YBX2: variants seen among roughly 807,000 people sequenced by gnomAD.
YBX2 encodes Y-box binding protein 2.
A neutral mutation model predicts 44.4 loss-of-function variants in YBX2; 5 were observed. That is an observed-to-expected ratio of 0.11 (90% CI 0.06 to 0.24). The LOEUF is 0.24. Ranked by LOEUF, YBX2 falls within the 10% of genes least tolerant of loss-of-function variation. The pLI is 1.00. For synonymous variants in YBX2, 188 were observed against 216.1 expected (o/e 0.87, Z 1.14); for missense variants, 417 against 526.9 (o/e 0.79, Z 2.04).
At chr17:7,293,833 C>T (rs2072518821) in intron 1 of YBX2, 7 of 565,748 alleles carry the variant, frequency 1.2e-5, no homozygotes, top group Middle Eastern at 4.9e-4. Flanking sequence ...CTCACCTGGT[C>T]TGCAAAGTGC....
Position 7,289,905 on chromosome 17 carries a change from G to A in YBX2, c.848+63C>T, listed in dbSNP as rs868050912. 1.2e-4 allele frequency: 196 copies of A among 1,603,902 alleles called. No individual in the cohort carries two copies. In the Middle Eastern group the frequency reaches 1.5e-3, roughly 13 times the overall value. On this transcript the variant is annotated intron_variant, in intron 6 of 8. Coordinates refer to ENST00000007699, the MANE Select transcript of YBX2 (RefSeq NM_015982.4). Reference sequence around the variant, plus strand: ...TAGAGCTTCACCCTTCCATCCTCCTGTCCCTTGCCCCAAGGATCCAACACT... The same window carrying A: ...TAGAGCTTCACCCTTCCATCCTCCTATCCCTTGCCCCAAGGATCCAACACT...
chr17:7,289,093 C>T (rs976357649), intron 7 of YBX2, among the ~76,000 whole-genome samples: 2 of 152,080 alleles, frequency 1.3e-5, no homozygotes, highest in Non-Finnish European at 2.9e-5. Context: ...AACTCCTGAC[C>T]CCAACTGATC....
chr17:7,294,391 G>A lies in YBX2; in HGVS notation c.110C>T (p.Pro37Leu). Residue 37 changes from proline (P) to leucine (L), a missense_variant, in exon 1 of 9, where the codon CCG (proline) becomes CTG (leucine). By Grantham distance (98) the Pro-to-Leu change is moderately conservative (BLOSUM62 -3). This residue lies in a region of YBX2 where 121 missense variants were observed against 141.3 expected (regional missense o/e 0.86). Transcript: ENST00000007699. The surrounding 1 kb of genome is among the most constrained non-coding windows in gnomAD (Gnocchi z 4.6). ...GCCGCCCGCCCCGCCGCCTTTCTGC[G>A]GCTCCCCTGCGGGCACCGGTACCAC... ...AVVVPVPAGE[P>L]QKGGGAGGGG... The A allele has an allele frequency of 7.0e-7, 1 of 1,429,772 alleles. No individual in the cohort carries two copies. Among genetic ancestry groups the A allele is most frequent in the Non-Finnish European group, 9.2e-7 (1 of 1,091,892 alleles). 88.6% of individuals were successfully genotyped at this position (1,429,772 alleles called of 1,614,324 possible).
chr17:7,289,785 C>T, intron 6 of YBX2, 60 bp from the exon 7 acceptor site: 2 of 1,604,714 alleles, frequency 1.2e-6, no homozygotes, highest in South Asian at 1.1e-5. Flanking sequence ...AGGGCTCACC[C>T]AGCTGCCCCA....
chr17:7,292,567 A>G (rs78680392), intron 2 of YBX2: 7,505 of 175,768 alleles, frequency 0.043, 601 homozygotes, highest in African/African-American at 0.16. Flanking sequence ...AACAGCTGCC[A>G]AACTTTATTC....
intron 4 of YBX2, 124 bp from the exon 5 acceptor site, chr17:7,290,659 T>C: frequency 1.7e-6 from 2 of 1,177,638 alleles, no homozygotes; most frequent in Non-Finnish European, 2.4e-6. Flanking sequence ...TCTAACTTCT[T>C]TCTACCCTCC....
At chr17:7,289,082 GA>G (rs555547978) in intron 7 of YBX2, among the ~76,000 whole-genome samples, 40 of 152,194 alleles carry the variant, frequency 2.6e-4, no homozygotes, top group African/African-American at 9.2e-4. Context: ...GGCTGGTCTT[GA>G]ACTCCTGACC....
chr17:7,293,437 G>T lies in YBX2; in HGVS notation c.335+38C>A, dbSNP rs1257567399. On this transcript the variant is annotated intron_variant, in intron 2 of 8. Coordinates refer to ENST00000007699, the MANE Select transcript of YBX2 (RefSeq NM_015982.4). ...TCCAGTCCCACAGGCCAGCTGGGAA[G>T]ACACCCATTCCACCCCCGCCCTGGG... 3.7e-6 allele frequency: 6 copies of T among 1,613,730 alleles called. No individual in the cohort carries two copies. In the South Asian group the frequency reaches 5.5e-5, roughly 15 times the overall value.
Position 7,294,424 on chromosome 17 carries a change from A to G in YBX2, c.77T>C (p.Val26Ala), listed in dbSNP as rs1199447050. 1.4e-6 allele frequency: 2 copies of G among 1,465,816 alleles called. No homozygotes were observed. The highest frequency in any genetic ancestry group is 1.8e-6 in the Non-Finnish European group (2 of 1,112,088). The allele number at this position is 1,465,816 out of a possible 1,614,324, so 90.8% of individuals were successfully genotyped here. A position where few individuals can be genotyped will look rare whatever the true frequency, so the allele number is the denominator to read the frequency against. The part of the protein sequence containing the change: ...ATVPATAAGV[V>A]AVVVPVPAGE... Reference sequence around the variant, plus strand: ...TGCGGGCACCGGTACCACCACCGCTACCACCCCTGCCGCCGTCGCGGGCAC... The same window carrying G: ...TGCGGGCACCGGTACCACCACCGCTGCCACCCCTGCCGCCGTCGCGGGCAC... The change falls in exon 1 of 9, where the codon GTA (valine) becomes GCA (alanine). Residue 26 changes from valine (V) to alanine (A), a missense_variant. This residue lies in a region of YBX2 where 121 missense variants were observed against 141.3 expected (regional missense o/e 0.86). Coordinates refer to ENST00000007699, the MANE Select transcript of YBX2 (RefSeq NM_015982.4). The surrounding 1 kb of genome is among the most constrained non-coding windows in gnomAD (Gnocchi z 4.6).
Position 7,294,331 on chromosome 17 carries a change from G to C in YBX2, c.170C>G (p.Thr57Ser). 6 of 1,307,508 alleles carry C rather than the reference G, an allele frequency of 4.6e-6. No homozygotes were observed. The highest frequency in any genetic ancestry group is 4.8e-6 in the Non-Finnish European group (5 of 1,035,044). 81.0% of individuals were successfully genotyped at this position (1,307,508 alleles called of 1,614,324 possible). ...GGTGCGGGAGCCCGGCGCCGAGGGG[G>C]TCCCAGCAGCGGGGCCCGAGGCGGC... is the stretch of plus-strand genomic sequence containing the variant. ...GGAASGPAAG[T>S]PSAPGSRTPG... The change falls in exon 1 of 9, where the codon ACC becomes AGC. Residue 57 changes from threonine to serine, a missense_variant. This residue lies in a region of YBX2 where 121 missense variants were observed against 141.3 expected (regional missense o/e 0.86). Coordinates refer to ENST00000007699, the MANE Select transcript of YBX2 (RefSeq NM_015982.4). This position sits in a 1 kb window ranked among gnomAD's most constrained non-coding sequence, Gnocchi z 4.6.
chr17:7,290,163 C>A, intron 5 of YBX2, 88 bp downstream of exon 5: 1 of 1,611,696 alleles, frequency 6.2e-7, no homozygotes, highest in Non-Finnish European at 8.5e-7. Flanking sequence ...TCAGTTCCTC[C>A]TTCTTTGGGG....
At chr17:7,293,818 G>A (rs192632905) in intron 1 of YBX2, 1 of 599,566 alleles carries the variant, frequency 1.7e-6, no homozygotes, top group African/African-American at 1.9e-5. Context: ...ACCTAGAACT[G>A]GGTACTCACC....
At chr17:7,289,453 G>A in intron 7 of YBX2, 77 bp downstream of exon 7, 1 of 1,544,768 alleles carries the variant, frequency 6.5e-7, no homozygotes, top group Non-Finnish European at 8.7e-7. Context: ...AAAGGATAGA[G>A]TAGGAAAGAA....
At position 7,291,283 on chromosome 17, in the gene YBX2, C is replaced by T. The variant is rs948371299; in HGVS notation, c.370-101G>A. 2.5e-6 allele frequency: 3 copies of T among 1,214,556 alleles called. No individual in the cohort carries two copies. Among genetic ancestry groups the T allele is most frequent in the Admixed American group, 3.8e-5 (2 of 52,596 alleles). 75.2% of individuals were successfully genotyped at this position (1,214,556 alleles called of 1,614,324 possible). A position where few individuals can be genotyped will look rare whatever the true frequency, so the allele number is the denominator to read the frequency against. The stretch of plus-strand genomic sequence containing the variant: ...CCAATTTCATTCTTTCAACATTTGA[C>T]TTGGGGTCTAGAGCTGGAGGGTGGA... On this transcript the variant is annotated intron_variant, in intron 3 of 8. Transcript: ENST00000007699. The surrounding 1 kb of genome is among the most constrained non-coding windows in gnomAD (Gnocchi z 5.8).
In YBX2 at chr17:7,291,834, A is replaced by G. The variant is rs2072503587; in HGVS notation, c.369+192T>C. On this transcript the variant is annotated intron_variant, in intron 3 of 8. Coordinates refer to ENST00000007699, the MANE Select transcript of YBX2 (RefSeq NM_015982.4). The surrounding 1 kb of genome is among the most constrained non-coding windows in gnomAD (Gnocchi z 5.8). ...TAAGCGTGCCATGCCCAGGGGTAAC[A>G]TGCTCAATTCTGACGGACGTTTAGT... The G allele has an allele frequency of 2.9e-6, 2 of 684,858 alleles. No individual in the cohort carries two copies. Among genetic ancestry groups the G allele is most frequent in the Non-Finnish European group, 5.1e-6 (2 of 391,756 alleles). 42.4% of individuals were successfully genotyped at this position (684,858 alleles called of 1,614,324 possible).
chr17:7,290,656 T>A, intron 4 of YBX2, 121 bp from the exon 5 acceptor site: 1 of 1,190,748 alleles, frequency 8.4e-7, no homozygotes, highest in Non-Finnish European at 1.2e-6. Context: ...TCCTCTAACT[T>A]CTTTCTACCC....
Position 7,294,185 on chromosome 17 carries a change from G to C in YBX2, c.271+45C>G. 1.6e-6 allele frequency: 2 copies of C among 1,231,060 alleles called. No individual in the cohort carries two copies. Among genetic ancestry groups the C allele is most frequent in the Non-Finnish European group, 1.0e-6 (1 of 988,688 alleles). 76.3% of individuals were successfully genotyped at this position (1,231,060 alleles called of 1,614,324 possible). ...CGGGCTCCACACTGCCCCTCCCCCA[G>C]CCCGCCGACCCCTCAGAGCCGCCCT... On this transcript the variant is annotated intron_variant, in intron 1 of 8. Transcript: ENST00000007699. The surrounding 1 kb of genome is among the most constrained non-coding windows in gnomAD (Gnocchi z 4.6).
rs545837029 is a variant in YBX2 at position 7,291,396 on chromosome 17, A to T, written c.370-214T>A. 1.7e-5 allele frequency: 10 copies of T among 602,138 alleles called. No individual in the cohort carries two copies. The highest frequency in any genetic ancestry group is 3.0e-5 in the Non-Finnish European group (10 of 333,562). 37.3% of individuals were successfully genotyped at this position (602,138 alleles called of 1,614,324 possible). On this transcript the variant is annotated intron_variant, in intron 3 of 8. Coordinates refer to ENST00000007699, the MANE Select transcript of YBX2 (RefSeq NM_015982.4). This position sits in a 1 kb window ranked among gnomAD's most constrained non-coding sequence, Gnocchi z 5.8. ...GCAGTTACCACCATCCCCAGGATGC[A>T]CTCCCCGCACCTCCCCTCCCGCCCC...
In YBX2 at chr17:7,290,362, C is replaced by T. The variant is rs2072492584; in HGVS notation, c.633G>A (p.Glu211=). Residue 211 remains glutamate, a synonymous_variant, in exon 5 of 9, where the codon GAG becomes GAA. Coordinates refer to ENST00000007699, the MANE Select transcript of YBX2 (RefSeq NM_015982.4). ...GCCGTTGCCCAGAGTCTTCAGCCCG[C>T]TCCCCTTTACTGCCAGGTCCTGTCC... ...SAGTGPGSKG[E]RAEDSGQRPR... is the part of the protein sequence containing the mutation. 2 of 1,613,826 alleles carry T rather than the reference C, an allele frequency of 1.2e-6. No individual in the cohort carries two copies. Among genetic ancestry groups the T allele is most frequent in the Non-Finnish European group, 1.7e-6 (2 of 1,180,016 alleles).
Sources: gnomAD v4.1 joint callset for allele counts (sites outside exome capture counted in the v4.1 genomes callset) on GRCh38, gnomAD v4.1.1 for gene constraint, gnomAD v4.1.1 regional missense constraint, Gnocchi (gnomAD v3.1) non-coding constraint, MANE v1.5 for transcripts, NCBI Gene and HGNC (gene_info 2026-07-23, HGNC 2026-07-21) for gene names.